The following MYO9B variants were observed in gnomAD, a reference collection of about 807,000 sequenced individuals.
The protein encoded by MYO9B is unconventional myosin-IXb.
A neutral mutation model predicts 229.5 loss-of-function variants in MYO9B; 71 were observed. The ratio of observed to expected loss-of-function variants is 0.31; its 90% CI spans 0.26 to 0.38. The LOEUF (loss-of-function observed/expected upper bound fraction) is 0.38, where lower values mean the gene tolerates loss of function less well. Among genes scored for constraint, MYO9B ranks in the 10% least tolerant of loss-of-function variants. The pLI, the probability that MYO9B is intolerant of heterozygous loss-of-function variation, is 1.00. For synonymous variants in MYO9B, 1,185 were observed against 1,235.8 expected (o/e 0.96, Z 0.86); for missense variants, 2,255 against 2,920.5 (o/e 0.77, Z 5.25).
chr19:17,111,404 C>T (rs1176590315), intron 2 of MYO9B, among the ~76,000 whole-genome samples: 1 of 152,090 alleles, frequency 6.6e-6, no homozygotes, highest in Non-Finnish European at 1.5e-5. Context: ...ATATTTATAT[C>T]TACAGTTTAT....
rs1599417840 is a variant in MYO9B at position 17,197,963 on chromosome 19, A to G, written c.4113+105A>G. On this transcript the variant is annotated intron_variant, in intron 23 of 39. Transcript: ENST00000682292. Reference sequence around the variant, plus strand: ...CAGCTACTCAGGAGGCTGAGGCGAGAGAATCGCTTGAACGCAGTGGCAGGG... The same window carrying G: ...CAGCTACTCAGGAGGCTGAGGCGAGGGAATCGCTTGAACGCAGTGGCAGGG... 11 of 1,467,734 alleles carry G rather than the reference A, an allele frequency of 7.5e-6. No homozygotes were observed. In the East Asian group the frequency reaches 2.5e-4, roughly 34 times the overall value. The allele number at this position is 1,467,734 out of a possible 1,614,324, so 90.9% of individuals were successfully genotyped here. A position where few individuals can be genotyped will look rare whatever the true frequency, so the allele number is the denominator to read the frequency against.
At chr19:17,108,212 G>A (rs373179502) in intron 2 of MYO9B, among the ~76,000 whole-genome samples, 12 of 152,306 alleles carry the variant, frequency 7.9e-5, no homozygotes, top group Non-Finnish European at 1.3e-4. Flanking sequence ...GGGGGCTGGC[G>A]AGGCCAGTTT....
At chr19:17,202,392 C>T in intron 28 of MYO9B, 89 bp downstream of exon 28, 2 of 1,313,492 alleles carry the variant, frequency 1.5e-6, no homozygotes, top group East Asian at 2.5e-5. Flanking sequence ...CATGCCTCAC[C>T]ATGCTTATGC....
In MYO9B at chr19:17,168,329, T is replaced by C. The variant is rs531278249; in HGVS notation, c.1793+265T>C. On this transcript the variant is annotated intron_variant, in intron 11 of 39. Transcript: ENST00000682292. The stretch of plus-strand genomic sequence containing the variant: ...ACAGGGTCACACCACCATACCCGGC[T>C]AATTTTTGTATTTCTTTGTAGCAAC... Among the ~76,000 whole-genome samples, 5 of 152,290 alleles carry C rather than the reference T, an allele frequency of 3.3e-5. No individual in the cohort carries two copies. The South Asian group carries it at 1.0e-3, about 32-fold the overall frequency.
Position 17,200,281 on chromosome 19 carries a change from T to C in MYO9B, c.4239-12T>C. 1.2e-6 allele frequency: 2 copies of C among 1,603,440 alleles called. No homozygotes were observed. The highest frequency in any genetic ancestry group is 1.7e-6 in the Non-Finnish European group (2 of 1,176,928). Reference sequence around the variant, plus strand: ...TTCAGACTTAAAAGAAGCCACGTACTTTCTCCTGCAGATCCACGTTTAAGA... The same window carrying C: ...TTCAGACTTAAAAGAAGCCACGTACCTTCTCCTGCAGATCCACGTTTAAGA... On this transcript the variant is annotated splice_polypyrimidine_tract_variant and intron_variant, in intron 24 of 39. Coordinates refer to ENST00000682292, the MANE Select transcript of MYO9B (RefSeq NM_004145.4).
chr19:17,160,769 G>A (rs1438310697), intron 8 of MYO9B, among the ~76,000 whole-genome samples: 3 of 151,532 alleles, frequency 2.0e-5, no homozygotes, highest in Admixed American at 6.6e-5. Flanking sequence ...GCAGGATCTC[G>A]GCTCACTGCA....
At chr19:17,084,165 G>A (rs1456380090) in intron 1 of MYO9B, among the ~76,000 whole-genome samples, 10 of 151,784 alleles carry the variant, frequency 6.6e-5, no homozygotes, top group Admixed American at 2.0e-4. Flanking sequence ...GTGAATCCCC[G>A]TCTCTACAAA....
chr19:17,153,936 C>T, intron 4 of MYO9B, 31 bp from the exon 5 acceptor site: 1 of 1,578,750 alleles, frequency 6.3e-7, no homozygotes, highest in Non-Finnish European at 8.7e-7. Context: ...CCTCCAAAAA[C>T]AACTATTTTC....
Position 17,185,113 on chromosome 19 carries a change from A to C in MYO9B, c.2496+126A>C, listed in dbSNP as rs1046381402. On this transcript the variant is annotated intron_variant, in intron 17 of 39. Transcript: ENST00000682292. Reference sequence around the variant, plus strand: ...AAAATTGGCCGGGCGCGGTGGCTCAAGCCTGTAATCCCAGCACTTTGGGAG... The same window carrying C: ...AAAATTGGCCGGGCGCGGTGGCTCACGCCTGTAATCCCAGCACTTTGGGAG... 4.3e-6 allele frequency: 6 copies of C among 1,379,420 alleles called. 1 individual carries two copies. The highest frequency in any genetic ancestry group is 6.0e-6 in the Non-Finnish European group (6 of 1,004,338). 85.4% of individuals were successfully genotyped at this position (1,379,420 alleles called of 1,614,324 possible). A position where few individuals can be genotyped will look rare whatever the true frequency, so the allele number is the denominator to read the frequency against.
chr19:17,110,958 TTCCCCCAAC>T (rs1465457692), intron 2 of MYO9B, among the ~76,000 whole-genome samples: 1 of 152,096 alleles, frequency 6.6e-6, no homozygotes, highest in African/African-American at 2.4e-5. Context: ...AGTCTCATGT[TTCCCCCAAC>T]TCCCCCAGCC....
chr19:17,137,351 C>T (rs2072283674), intron 2 of MYO9B, among the ~76,000 whole-genome samples: 1 of 151,988 alleles, frequency 6.6e-6, no homozygotes, highest in Non-Finnish European at 1.5e-5. Flanking sequence ...GCTATGGTCG[C>T]ACCACTTAAA....
At chr19:17,129,172 G>A (rs891308970) in intron 2 of MYO9B, among the ~76,000 whole-genome samples, 5 of 152,150 alleles carry the variant, frequency 3.3e-5, no homozygotes, top group African/African-American at 2.4e-5. Flanking sequence ...GGCTGAGGCA[G>A]GTGGATTGCC....
chr19:17,108,035 G>A (rs1044426093), intron 2 of MYO9B, among the ~76,000 whole-genome samples: 19 of 152,258 alleles, frequency 1.2e-4, no homozygotes, highest in Admixed American at 1.1e-3. Flanking sequence ...GGCTGCCCCA[G>A]ATCCGCGATT....
chr19:17,121,073 G>T (rs2057959269), intron 2 of MYO9B, among the ~76,000 whole-genome samples: 1 of 152,146 alleles, frequency 6.6e-6, no homozygotes, highest in African/African-American at 2.4e-5. Flanking sequence ...CTCCCAAGTA[G>T]CTGGGACTAC....
intron 6 of MYO9B, among the ~76,000 whole-genome samples, chr19:17,154,653 T>C (rs1003921059): frequency 6.6e-6 from 1 of 152,128 alleles, no homozygotes; most frequent in Non-Finnish European, 1.5e-5. Flanking sequence ...CACTGCTGAA[T>C]TGTACCCTTA....
chr19:17,087,528 G>T (rs562243012), intron 1 of MYO9B, among the ~76,000 whole-genome samples: 3 of 152,300 alleles, frequency 2.0e-5, no homozygotes, highest in African/African-American at 4.8e-5. Flanking sequence ...CTACCTTCTG[G>T]CCTGAGTGTT....
intron 8 of MYO9B, among the ~76,000 whole-genome samples, chr19:17,161,613 C>T (rs564246628): frequency 1.1e-4 from 17 of 151,746 alleles, no homozygotes; most frequent in South Asian, 2.1e-4. Context: ...GCCATGAGTT[C>T]GAGACCAGCC....
At chr19:17,089,405 A>G (rs2057615481) in intron 1 of MYO9B, among the ~76,000 whole-genome samples, 1 of 152,230 alleles carries the variant, frequency 6.6e-6, no homozygotes, top group South Asian at 2.1e-4. Flanking sequence ...GAATGATTTC[A>G]TCCTATAAAC....
intron 1 of MYO9B, among the ~76,000 whole-genome samples, chr19:17,099,903 AG>A (rs2057728509): frequency 6.6e-6 from 1 of 151,204 alleles, no homozygotes; most frequent in South Asian, 2.1e-4. Context: ...GGATCACCTG[AG>A]GTCAGGAGTT....
Sources: allele counts gnomAD v4.1 joint callset (sites outside exome capture counted in the v4.1 genomes callset), GRCh38; gene constraint gnomAD v4.1.1; transcripts MANE v1.5; gene names NCBI Gene and HGNC (gene_info 2026-07-23, HGNC 2026-07-21).